Variants in KIAA0040 observed in about 807,000 individuals in gnomAD.
KIAA0040 encodes KIAA0040.
KIAA0040 carries 10 observed loss-of-function variants against 7.2 expected under a neutral mutation model. The ratio of observed to expected loss-of-function variants is 1.38; its 90% CI spans 0.85 to 2.34. KIAA0040 has a LOEUF of 2.34. KIAA0040 is among the 30% of genes most tolerant of loss of function. The pLI, the probability that KIAA0040 is intolerant of heterozygous loss-of-function variation, is 0.00. For synonymous variants in KIAA0040, 49 were observed against 40.1 expected (o/e 1.22, Z -0.84); for missense variants, 89 against 108.2 (o/e 0.82, Z 0.79).
chr1:175,176,104 T>C (rs1411967304), intron 2 of KIAA0040, among the ~76,000 whole-genome samples: 1 of 152,224 alleles, frequency 6.6e-6, no homozygotes, highest in Non-Finnish European at 1.5e-5. Context: ...CTGCAAACTT[T>C]GGGGCAATAA....
intron 2 of KIAA0040, among the ~76,000 whole-genome samples, chr1:175,171,049 C>T (rs79967384): frequency 0.032 from 4,891 of 152,344 alleles, 271 homozygotes; most frequent in African/African-American, 0.11. Flanking sequence ...CCCTATTTGT[C>T]CCTTTGCCTG....
Position 175,161,093 on chromosome 1 carries a change from A to G in KIAA0040, c.-80T>C, listed in dbSNP as rs1676524768. The G allele has an allele frequency of 7.6e-7, 1 of 1,318,808 alleles. No individual in the cohort carries two copies. Among genetic ancestry groups the G allele is most frequent in the Admixed American group, 2.7e-5 (1 of 37,010 alleles). The allele number at this position is 1,318,808 out of a possible 1,614,324, so 81.7% of individuals were successfully genotyped here. Reference sequence around the variant, plus strand: ...GGCTCAAAAGGATGCAACCTTGACCACTTGTAATTTATTCCTCTTCCAGCT... The same window carrying G: ...GGCTCAAAAGGATGCAACCTTGACCGCTTGTAATTTATTCCTCTTCCAGCT... On this transcript the variant is annotated 5_prime_UTR_variant, in exon 4 of 4. Transcript: ENST00000423313.
intron 1 of KIAA0040, among the ~76,000 whole-genome samples, chr1:175,181,267 T>A (rs1252531843): frequency 6.6e-6 from 1 of 152,188 alleles, no homozygotes; most frequent in Non-Finnish European, 1.5e-5. Context: ...ACCTCACTGC[T>A]ATTACTGTAA....
chr1:175,185,801 G>T (rs1571216575), intron 1 of KIAA0040, among the ~76,000 whole-genome samples: 1 of 152,024 alleles, frequency 6.6e-6, no homozygotes, highest in Non-Finnish European at 1.5e-5. Flanking sequence ...GTCGGTCAAC[G>T]AATAAACAGA....
chr1:175,182,064 C>A (rs993244248), intron 1 of KIAA0040, among the ~76,000 whole-genome samples: 1 of 152,164 alleles, frequency 6.6e-6, no homozygotes, highest in Non-Finnish European at 1.5e-5. Context: ...AGGTTCTGGC[C>A]GTAGGAGGAG....
chr1:175,189,575 T>C (rs1273052055), intron 1 of KIAA0040, among the ~76,000 whole-genome samples: 1 of 152,194 alleles, frequency 6.6e-6, no homozygotes, highest in East Asian at 1.9e-4. Flanking sequence ...GAAGGAGACT[T>C]ATCATTACTG....
At position 175,159,168 on chromosome 1, in the gene KIAA0040, TAC is replaced by T. The variant is rs983987981; in HGVS notation, c.*1544_*1545del. ...AGGAGTGAATTGTCCATCTTTGTAA[TAC>T]AGTCACAATACAATAAAAATACCAA... On this transcript the variant is annotated 3_prime_UTR_variant, in exon 4 of 4. Transcript: ENST00000423313. 1 of 152,540 alleles carries T rather than the reference TAC, an allele frequency of 6.6e-6. No homozygotes were observed. Among genetic ancestry groups the T allele is most frequent in the African/African-American group, 2.4e-5 (1 of 41,456 alleles). 9.4% of individuals were successfully genotyped at this position (152,540 alleles called of 1,614,324 possible).
chr1:175,164,981 T>C (rs2101879776), intron 3 of KIAA0040, among the ~76,000 whole-genome samples: 1 of 152,386 alleles, frequency 6.6e-6, no homozygotes, highest in South Asian at 2.1e-4. Flanking sequence ...GTAATTCATC[T>C]ATTTTTGTAA....
chr1:175,166,395 C>T (rs996862435), intron 3 of KIAA0040, among the ~76,000 whole-genome samples, 167 bp downstream of exon 3: 9 of 152,236 alleles, frequency 5.9e-5, no homozygotes, highest in Middle Eastern at 3.4e-3. Context: ...AGGATGGGCC[C>T]AGGAATTTAT....
chr1:175,189,388 G>T (rs1031139789), intron 1 of KIAA0040, among the ~76,000 whole-genome samples: 1 of 152,202 alleles, frequency 6.6e-6, no homozygotes, highest in Admixed American at 6.5e-5. Flanking sequence ...CAAGTGGGGT[G>T]GGTCTAAGGC....
At chr1:175,188,893 C>T (rs1243093071) in intron 1 of KIAA0040, among the ~76,000 whole-genome samples, 1 of 152,172 alleles carries the variant, frequency 6.6e-6, no homozygotes, top group East Asian at 1.9e-4. Flanking sequence ...CATTTGAATG[C>T]CTAGCTGTGT....
At chr1:175,181,251 C>A (rs1677430144) in intron 1 of KIAA0040, among the ~76,000 whole-genome samples, 1 of 152,146 alleles carries the variant, frequency 6.6e-6, no homozygotes, top group African/African-American at 2.4e-5. Flanking sequence ...GGGGGGCTGG[C>A]TCACTACCTC....
intron 1 of KIAA0040, among the ~76,000 whole-genome samples, chr1:175,186,731 A>G (rs1400606379): frequency 6.6e-6 from 1 of 152,246 alleles, no homozygotes; most frequent in East Asian, 1.9e-4. Flanking sequence ...GGCACCCAGT[A>G]AAGTACTGCT....
chr1:175,187,748 A>C (rs1229121951), intron 1 of KIAA0040, among the ~76,000 whole-genome samples: 1 of 151,538 alleles, frequency 6.6e-6, no homozygotes, highest in Non-Finnish European at 1.5e-5. Flanking sequence ...CCCTGCCCCT[A>C]CACCACCTCT....
At chr1:175,192,028 A>G (rs1571223980) in intron 1 of KIAA0040, among the ~76,000 whole-genome samples, 1 of 152,334 alleles carries the variant, frequency 6.6e-6, no homozygotes, top group East Asian at 1.9e-4. Flanking sequence ...TCAGAATGTT[A>G]GGGAAACAGG....
At chr1:175,170,405 C>T (rs1230965427) in intron 2 of KIAA0040, among the ~76,000 whole-genome samples, 5 of 152,124 alleles carry the variant, frequency 3.3e-5, no homozygotes, top group Non-Finnish European at 2.9e-5. Context: ...CTGAATGTAA[C>T]GCGCACTCCC....
intron 1 of KIAA0040, among the ~76,000 whole-genome samples, chr1:175,181,230 T>C (rs1677428143): frequency 6.7e-6 from 1 of 149,396 alleles, no homozygotes; most frequent in African/African-American, 2.4e-5. Context: ...ATGTGTGTAT[T>C]TGTGGGGGGC....
intron 1 of KIAA0040, among the ~76,000 whole-genome samples, chr1:175,186,372 C>T (rs1178869506): frequency 6.6e-6 from 1 of 152,184 alleles, no homozygotes; most frequent in Non-Finnish European, 1.5e-5. Flanking sequence ...TGTTGAATGA[C>T]CACATGCCCA....
At chr1:175,175,581 G>A (rs537009160) in intron 2 of KIAA0040, among the ~76,000 whole-genome samples, 2 of 152,080 alleles carry the variant, frequency 1.3e-5, no homozygotes, top group East Asian at 3.9e-4. Context: ...GCACATGTAT[G>A]TTCATTGTGG....
Sources: gnomAD v4.1 joint callset for allele counts (sites outside exome capture counted in the v4.1 genomes callset) on GRCh38, gnomAD v4.1.1 for gene constraint, MANE v1.5 for transcripts, NCBI Gene and HGNC (gene_info 2026-07-23, HGNC 2026-07-21) for gene names.